PRKCQ: variants seen among roughly 807,000 people sequenced by gnomAD.
PRKCQ encodes the protein protein kinase C theta, also known as protein kinase C theta type.
PRKCQ carries 41 observed loss-of-function variants against 91.2 expected under a neutral mutation model. The observed-to-expected ratio is 0.45, with a 90% CI of 0.35 to 0.58. The LOEUF is 0.58. Among genes scored for constraint, PRKCQ ranks in the 20% least tolerant of loss-of-function variants. The probability of loss-of-function intolerance (pLI) is 0.00; values close to 1 mark genes in which losing one functional copy is unlikely to be tolerated. For missense variants in PRKCQ, 673 were observed against 896.5 expected, an observed-to-expected ratio of 0.75 and a Z score of 3.18; for synonymous variants, 307 against 316.9, an observed-to-expected ratio of 0.97 and a Z score of 0.33.
At chr10:6,486,186 C>G in intron 8 of PRKCQ, 42 bp from the exon 9 acceptor site, 1 of 1,520,002 alleles carries the variant, frequency 6.6e-7, no homozygotes. Flanking sequence ...GTGGAAGAAC[C>G]CCCTGGTGCT....
At chr10:6,561,956 AAAAGT>A in intron 1 of PRKCQ, among the ~76,000 whole-genome samples, 1 of 152,362 alleles carries the variant, frequency 6.6e-6, no homozygotes, top group African/African-American at 2.4e-5. Context: ...TGAGGTGAAT[AAAAGT>A]CTGAAAAAGC....
At position 6,497,936 on chromosome 10, in the gene PRKCQ, G is replaced by A. The variant is rs533448130; in HGVS notation, c.542+460C>T. Reference sequence around the variant, plus strand: ...ATAGCCTTTGCTATGTGGTTACTGAGGTTTAAACTGATCTGTTTGATGGCT... The same window carrying A: ...ATAGCCTTTGCTATGTGGTTACTGAAGTTTAAACTGATCTGTTTGATGGCT... On this transcript the variant is annotated intron_variant, in intron 5 of 17. Transcript: ENST00000263125. This position sits in a 1 kb window ranked among gnomAD's most constrained non-coding sequence, Gnocchi z 4.5. Among the ~76,000 whole-genome samples the A allele has an allele frequency of 1.3e-5, 2 of 152,312 alleles. No homozygotes were observed. The highest frequency in any genetic ancestry group is 4.1e-4 in the South Asian group (2 of 4,828).
At chr10:6,413,499 C>T in the PRKCQ span, among the ~76,000 whole-genome samples, 1 of 130,872 alleles carries the variant, frequency 7.6e-6, no homozygotes, top group Non-Finnish European at 1.7e-5. Context: ...CACACACACA[C>T]ACACACACTA....
chr10:6,556,101 T>A (rs1399494580), intron 1 of PRKCQ, among the ~76,000 whole-genome samples: 1 of 152,136 alleles, frequency 6.6e-6, no homozygotes, highest in East Asian at 1.9e-4. Context: ...GAAGAATAAC[T>A]TATTCCTTTT....
intron 16 of PRKCQ, among the ~76,000 whole-genome samples, chr10:6,431,430 A>G (rs1365771745): frequency 6.6e-6 from 1 of 152,190 alleles, no homozygotes; most frequent in Non-Finnish European, 1.5e-5. Context: ...ACATACATAC[A>G]CATGAACACA....
intron 1 of PRKCQ, among the ~76,000 whole-genome samples, chr10:6,553,212 C>T (rs2130938487): frequency 6.6e-6 from 1 of 152,268 alleles, no homozygotes; most frequent in East Asian, 1.9e-4. Context: ...TCCTGGACCA[C>T]ACTTTGAGAA....
At chr10:6,466,504 C>T (rs1174270665) in intron 12 of PRKCQ, among the ~76,000 whole-genome samples, 1 of 152,144 alleles carries the variant, frequency 6.6e-6, no homozygotes, top group East Asian at 1.9e-4. Context: ...CACATTTAAC[C>T]CTCCCAAGAG....
intron 8 of PRKCQ, chr10:6,489,249 G>C (rs1837131841): frequency 9.5e-6 from 4 of 420,470 alleles, no homozygotes; most frequent in South Asian, 7.0e-5. Context: ...ACCAAGTGAG[G>C]TTGTCAGCTA....
the PRKCQ span, among the ~76,000 whole-genome samples, chr10:6,408,069 T>C: frequency 6.8e-6 from 1 of 148,016 alleles, no homozygotes; most frequent in African/African-American, 2.5e-5. Context: ...TTTTTTTTTT[T>C]TTTTTACATT....
At chr10:6,419,189 C>A in the PRKCQ span, among the ~76,000 whole-genome samples, 16 of 151,550 alleles carry the variant, frequency 1.1e-4, no homozygotes, top group African/African-American at 2.7e-4. Context: ...CTGTCTATCT[C>A]TCTATCTCTC....
the PRKCQ span, among the ~76,000 whole-genome samples, chr10:6,394,478 A>T: frequency 6.6e-6 from 1 of 152,252 alleles, no homozygotes; most frequent in Non-Finnish European, 1.5e-5. Context: ...AAAGCAAAAC[A>T]TAAACACAAA....
At chr10:6,573,161 C>A (rs1841104097) in intron 1 of PRKCQ, among the ~76,000 whole-genome samples, 1 of 151,996 alleles carries the variant, frequency 6.6e-6, no homozygotes, top group Non-Finnish European at 1.5e-5. Flanking sequence ...TTGTTATCAC[C>A]CCCAAAATTA....
At chr10:6,486,265 G>A (rs1003739464) in intron 8 of PRKCQ, 121 bp from the exon 9 acceptor site, 4 of 774,880 alleles carry the variant, frequency 5.2e-6, no homozygotes, top group Admixed American at 4.4e-5. Context: ...GCCACGGCTG[G>A]GAGGAAGTTG....
intron 3 of PRKCQ, among the ~76,000 whole-genome samples, chr10:6,509,257 A>G (rs1463758269): frequency 6.6e-6 from 1 of 152,212 alleles, no homozygotes; most frequent in African/African-American, 2.4e-5. Context: ...CAACTTGAAG[A>G]GATACAAATA....
At chr10:6,552,451 C>A (rs1254226122) in intron 1 of PRKCQ, among the ~76,000 whole-genome samples, 1 of 149,024 alleles carries the variant, frequency 6.7e-6, no homozygotes, top group Admixed American at 6.7e-5. Context: ...AGGGCTCAAA[C>A]CTGTTAGTCT....
chr10:6,459,671 G>T (rs933168611), intron 14 of PRKCQ, among the ~76,000 whole-genome samples: 4 of 152,232 alleles, frequency 2.6e-5, no homozygotes, highest in African/African-American at 4.8e-5. Flanking sequence ...AAAGACAGAT[G>T]GGGGCAAGAG....
At chr10:6,515,904 C>T (rs374477474) in intron 1 of PRKCQ, among the ~76,000 whole-genome samples, 1 of 152,192 alleles carries the variant, frequency 6.6e-6, no homozygotes, top group African/African-American at 2.4e-5. Flanking sequence ...AATTCTTCAT[C>T]TATTGTTCCA....
At chr10:6,492,284 G>A (rs765164696) in intron 7 of PRKCQ, among the ~76,000 whole-genome samples, 2 of 151,942 alleles carry the variant, frequency 1.3e-5, no homozygotes, top group African/African-American at 4.8e-5. Context: ...ACATTTCTAT[G>A]GGTTTATCAG....
intron 3 of PRKCQ, among the ~76,000 whole-genome samples, chr10:6,508,773 T>C (rs551362209): frequency 2.6e-4 from 40 of 152,208 alleles, no homozygotes; most frequent in Non-Finnish European, 4.1e-4. Flanking sequence ...CAGTACTTAG[T>C]AGTGATGGAA....
Sources: allele counts gnomAD v4.1 joint callset (sites outside exome capture counted in the v4.1 genomes callset), GRCh38; gene constraint gnomAD v4.1.1; non-coding constraint Gnocchi (gnomAD v3.1); transcripts MANE v1.5; gene names NCBI Gene and HGNC (gene_info 2026-07-23, HGNC 2026-07-21).